The following LIPH variants were observed in gnomAD, a reference collection of about 807,000 sequenced individuals.
LIPH encodes lipase H, also known as lipase member H.
LIPH carries 32 observed loss-of-function variants against 47.6 expected under a neutral mutation model. The ratio of observed to expected loss-of-function variants is 0.67; its 90% CI spans 0.51 to 0.90. The LOEUF (loss-of-function observed/expected upper bound fraction) is 0.90. LIPH is among the 40% of genes least tolerant of loss of function. LIPH has a pLI of 0.00. For missense variants in LIPH, 497 were observed against 541.4 expected (o/e 0.92, Z 0.81); for synonymous variants, 190 against 195.6 (o/e 0.97, Z 0.24).
At chr3:185,547,826 CA>C (rs548499364) in intron 1 of LIPH, among the ~76,000 whole-genome samples, 430 of 113,318 alleles carry the variant, frequency 3.8e-3, no homozygotes, top group African/African-American at 3.4e-3. Flanking sequence ...ACTCCATCTC[CA>C]AAAAAAAAAA....
At chr3:185,529,960 AAGAAGGAAAGAAAGAAAGAGAG>A (rs1720272818) in intron 3 of LIPH, among the ~76,000 whole-genome samples, 1 of 60,856 alleles carries the variant, frequency 1.6e-5, no homozygotes, top group Non-Finnish European at 4.0e-5. Flanking sequence ...GAAAGAAAGA[AAGAAGGAAAGAAAGAAAGAGAG>A]AGAGAGAGAA....
rs1553821811 is a variant in LIPH, at chr3:185,522,662, G to GA, written c.718+1408dup. 1.4e-3 allele frequency among the ~76,000 whole-genome samples: 35 copies of GA among 24,236 alleles called. 1 individual carries two copies. The highest frequency in any genetic ancestry group is 6.4e-3 in the African/African-American group (35 of 5,430). 15.9% of individuals were successfully genotyped at this position (24,236 alleles called of 152,430 possible). On this transcript the variant is annotated intron_variant, in intron 5 of 9. Transcript: ENST00000296252. The stretch of plus-strand genomic sequence containing the variant: ...AAAGAGAGAAAGAAAAAGAAAGAAA[G>GA]AAAGAAAGAAAGAAAGAAAGAAAGA...
At chr3:185,547,615 ACCAGCCTGG>A (rs896008687) in intron 1 of LIPH, among the ~76,000 whole-genome samples, 1 of 151,920 alleles carries the variant, frequency 6.6e-6, no homozygotes, top group Non-Finnish European at 1.5e-5. Context: ...GGAGTTTGAG[ACCAGCCTGG>A]CCAGCCTGGC....
Position 185,511,654 on chromosome 3 carries a change from C to A in LIPH, c.1138G>T (p.Ala380Ser). ...FQKYHQVSLL[A>S]RFNQDLDKVA... Reference sequence around the variant, plus strand: ...TTATCCAGATCTTGATTAAATCTTGCAAGTAGACTCACTTGGTGATATTTC... The same window carrying A: ...TTATCCAGATCTTGATTAAATCTTGAAAGTAGACTCACTTGGTGATATTTC... Residue 380 changes from alanine (A) to serine (S), a missense_variant, in exon 9 of 10, where the codon GCA becomes TCA. Transcript: ENST00000296252. 6.2e-7 allele frequency: 1 copy of A among 1,613,438 alleles called. No individual in the cohort carries two copies. The highest frequency in any genetic ancestry group is 8.5e-7 in the Non-Finnish European group (1 of 1,179,442).
intron 3 of LIPH, among the ~76,000 whole-genome samples, chr3:185,531,124 G>T (rs1253816372): frequency 2.6e-5 from 4 of 152,174 alleles, no homozygotes; most frequent in Admixed American, 2.0e-4. Context: ...CATACTACGT[G>T]TGAGCGGATA....
chr3:185,522,859 T>TATCAA, intron 5 of LIPH, among the ~76,000 whole-genome samples: 1 of 152,298 alleles, frequency 6.6e-6, no homozygotes, highest in Non-Finnish European at 1.5e-5. Flanking sequence ...AAAAATCTGA[T>TATCAA]ATCAACAGAT....
rs1216718400 is a variant in LIPH at position 185,506,471 on chromosome 3, T to C, written c.*2319A>G. Reference sequence around the variant, plus strand: ...TTCTATTTCTGGCATTTTCTTGCTATTGTTTTGACTCCCTGCTTACCAGGA... The same window carrying C: ...TTCTATTTCTGGCATTTTCTTGCTACTGTTTTGACTCCCTGCTTACCAGGA... On this transcript the variant is annotated 3_prime_UTR_variant, in exon 10 of 10. Coordinates refer to ENST00000296252, the MANE Select transcript of LIPH (RefSeq NM_139248.3). 6.6e-6 allele frequency: 1 copy of C among 152,180 alleles called. No homozygotes were observed. The highest frequency in any genetic ancestry group is 1.5e-5 in the Non-Finnish European group (1 of 68,048). The allele number at this position is 152,180 out of a possible 1,614,324, so 9.4% of individuals were successfully genotyped here. A position where few individuals can be genotyped will look rare whatever the true frequency, so the allele number is the denominator to read the frequency against.
chr3:185,529,187 AAAAAAG>A (rs1328641488), intron 3 of LIPH, among the ~76,000 whole-genome samples: 2 of 147,718 alleles, frequency 1.4e-5, no homozygotes, highest in African/African-American at 2.5e-5. Flanking sequence ...AAAAAAAAAA[AAAAAAG>A]AAAAAAAGAA....
At position 185,507,483 on chromosome 3, in the gene LIPH, C is replaced by A. The variant is rs1405935152; in HGVS notation, c.*1307G>T. ...GGGCCTGTCACCTCCTTTTCACAGA[C>A]CTTCCTGCAGTGGCCACAGCCATGG... On this transcript the variant is annotated 3_prime_UTR_variant, in exon 10 of 10. Transcript: ENST00000296252. 6.6e-6 allele frequency: 1 copy of A among 152,208 alleles called. No individual in the cohort carries two copies. The highest frequency in any genetic ancestry group is 2.1e-4 in the South Asian group (1 of 4,828). The allele number at this position is 152,208 out of a possible 1,614,324, so 9.4% of individuals were successfully genotyped here.
intron 1 of LIPH, among the ~76,000 whole-genome samples, chr3:185,541,483 C>A (rs902489258): frequency 6.3e-4 from 95 of 150,722 alleles, no homozygotes; most frequent in African/African-American, 2.3e-3. Flanking sequence ...CAGCTCACTG[C>A]AGCCTTGACT....
At position 185,552,502 on chromosome 3, in the gene LIPH, C is replaced by G. The variant is rs200259598; in HGVS notation, c.-31G>C. ...AACTGGAGAGATCGTGTGTCACATT[C>G]ACAAGAATGATTTACTTCGCAGAGG... On this transcript the variant is annotated 5_prime_UTR_variant, in exon 1 of 10. Coordinates refer to ENST00000296252, the MANE Select transcript of LIPH (RefSeq NM_139248.3). 199 of 1,503,356 alleles carry G rather than the reference C, an allele frequency of 1.3e-4. No homozygotes were observed. The highest frequency in any genetic ancestry group is 6.0e-4 in the Admixed American group (36 of 59,824). 93.1% of individuals were successfully genotyped at this position (1,503,356 alleles called of 1,614,324 possible).
chr3:185,531,906 C>G (rs1350590632), intron 3 of LIPH, among the ~76,000 whole-genome samples: 2 of 152,080 alleles, frequency 1.3e-5, no homozygotes, highest in African/African-American at 4.8e-5. Flanking sequence ...GTGGCACGAT[C>G]ATAGCTCACT....
rs1233168004 is a variant in LIPH at position 185,519,212 on chromosome 3, G to A, written c.816C>T (p.Ser272=). The part of the protein sequence containing the change: ...SCTITAYPCD[S]YQDYRNGKCV... Reference sequence around the variant, plus strand: ...ACTTGCCATTCCTATAATCCTGGTAGGAGTCACAGGGATACGCAGTGATGG... The same window carrying A: ...ACTTGCCATTCCTATAATCCTGGTAAGAGTCACAGGGATACGCAGTGATGG... Residue 272 remains serine, a synonymous_variant, in exon 6 of 10, where the codon TCC becomes TCT. Coordinates refer to ENST00000296252, the MANE Select transcript of LIPH (RefSeq NM_139248.3). The A allele has an allele frequency of 1.2e-6, 2 of 1,612,624 alleles. No homozygotes were observed. The highest frequency in any genetic ancestry group is 1.7e-6 in the Non-Finnish European group (2 of 1,178,774).
At chr3:185,539,062 C>G (rs1248711879) in intron 1 of LIPH, among the ~76,000 whole-genome samples, 2 of 150,748 alleles carry the variant, frequency 1.3e-5, no homozygotes, top group African/African-American at 2.4e-5. Context: ...CCTTCACCTC[C>G]CAGGTTCAAG....
intron 9 of LIPH, among the ~76,000 whole-genome samples, chr3:185,509,275 ACT>A (rs1203468633): frequency 1.3e-5 from 2 of 149,718 alleles, no homozygotes; most frequent in African/African-American, 5.0e-5. Context: ...ACAGAATGAG[ACT>A]CTGTCTCAGA....
Position 185,534,745 on chromosome 3 carries a change from A to C in LIPH, c.417+20T>G, listed in dbSNP as rs1023990970. ...GCCAGTTTCAACTTAGCTCTGAATCATCTAAGAGAATTCTCTTACCAACAT... is the reference window on the plus strand; with the variant it reads ...GCCAGTTTCAACTTAGCTCTGAATCCTCTAAGAGAATTCTCTTACCAACAT... On this transcript the variant is annotated intron_variant, in intron 2 of 9. Coordinates refer to ENST00000296252, the MANE Select transcript of LIPH (RefSeq NM_139248.3). 1 of 1,612,266 alleles carries C rather than the reference A, an allele frequency of 6.2e-7. No individual in the cohort carries two copies. Among genetic ancestry groups the C allele is most frequent in the Admixed American group, 1.7e-5 (1 of 60,020 alleles).
chr3:185,528,764 C>A (rs1720207752), intron 3 of LIPH, among the ~76,000 whole-genome samples: 2 of 152,118 alleles, frequency 1.3e-5, no homozygotes, highest in South Asian at 4.1e-4. Flanking sequence ...CGGTTTCTCA[C>A]CCTTGGTCAA....
intron 3 of LIPH, among the ~76,000 whole-genome samples, chr3:185,531,413 G>A (rs1720326561): frequency 6.6e-6 from 1 of 151,820 alleles, no homozygotes; most frequent in South Asian, 2.1e-4. Context: ...AGGCATGGTG[G>A]TGCACGCCGG....
intron 4 of LIPH, 115 bp downstream of exon 4, chr3:185,527,368 GA>G (rs1251223524): frequency 2.8e-5 from 23 of 830,820 alleles, no homozygotes; most frequent in South Asian, 4.1e-5. Flanking sequence ...ACCCTGCCTG[GA>G]AAAAAAAGTT....
Sources: allele counts gnomAD v4.1 joint callset (sites outside exome capture counted in the v4.1 genomes callset), GRCh38; gene constraint gnomAD v4.1.1; transcripts MANE v1.5; gene names NCBI Gene and HGNC (gene_info 2026-07-23, HGNC 2026-07-21).